SH3GL2: variants seen among roughly 807,000 people sequenced by gnomAD.
SH3GL2 encodes SH3 domain containing GRB2 like 2, endophilin A1, also known as endophilin-A1.
Under a neutral mutation model 46.0 loss-of-function variants are expected in SH3GL2, and 24 were observed. The ratio of observed to expected loss-of-function variants is 0.52; its 90% CI spans 0.38 to 0.73. SH3GL2 has a LOEUF of 0.73. Among genes scored for constraint, SH3GL2 ranks in the 30% least tolerant of loss-of-function variants. The probability of loss-of-function intolerance (pLI) is 0.00; values close to 1 mark genes in which losing one functional copy is unlikely to be tolerated. For missense variants in SH3GL2, 413 were observed against 424.2 expected, an observed-to-expected ratio of 0.97 and a Z score of 0.23; for synonymous variants, 196 against 147.1, an observed-to-expected ratio of 1.33 and a Z score of -2.40.
At position 17,692,555 on chromosome 9, in the gene SH3GL2, G is replaced by C. The variant is rs1393803487; in HGVS notation, c.46-54511G>C. 2.6e-5 allele frequency among the ~76,000 whole-genome samples: 4 copies of C among 151,750 alleles called. No individual in the cohort carries two copies. The South Asian group carries it at 8.3e-4, about 31-fold the overall frequency. ...CAGCTACTGGGAGGCTGAGGCAGGA[G>C]AATAGCTTAAAGACAAGAGACGGAG... On this transcript the variant is annotated intron_variant, in intron 1 of 8. Transcript: ENST00000380607.
intron 1 of SH3GL2, among the ~76,000 whole-genome samples, chr9:17,665,963 A>T (rs768717549): frequency 6.6e-6 from 1 of 150,684 alleles, no homozygotes; most frequent in Non-Finnish European, 1.5e-5. Context: ...CACAGGGTTC[A>T]TTGCAGTAGT....
chr9:17,704,072 T>G, intron 1 of SH3GL2, among the ~76,000 whole-genome samples: 1 of 152,108 alleles, frequency 6.6e-6, no homozygotes, highest in African/African-American at 2.4e-5. Context: ...CTCCTTGATC[T>G]GATAAATAAC....
At chr9:17,723,747 TG>T (rs1821952976) in intron 1 of SH3GL2, among the ~76,000 whole-genome samples, 1 of 151,696 alleles carries the variant, frequency 6.6e-6, no homozygotes, top group Non-Finnish European at 1.5e-5. Flanking sequence ...CATTGATTTT[TG>T]TGTTTTTTTT....
At chr9:17,769,646 G>T (rs1168836101) in intron 3 of SH3GL2, among the ~76,000 whole-genome samples, 2 of 151,832 alleles carry the variant, frequency 1.3e-5, no homozygotes, top group African/African-American at 4.8e-5. Context: ...GTCCTTTCCT[G>T]CCCCGACCCC....
intron 1 of SH3GL2, among the ~76,000 whole-genome samples, chr9:17,651,443 A>G (rs958372252): frequency 6.6e-6 from 1 of 152,114 alleles, no homozygotes; most frequent in Non-Finnish European, 1.5e-5. Flanking sequence ...ATTAATTCCA[A>G]GATGTATTGT....
rs145241034 is a variant in SH3GL2, at chr9:17,787,244, G to C, written c.332-136G>C. On this transcript the variant is annotated intron_variant, in intron 4 of 8. Coordinates refer to ENST00000380607, the MANE Select transcript of SH3GL2 (RefSeq NM_003026.5). ...AGTCTGTTGCCTGGAGTGAACTGAA[G>C]ATACCTATTCTCTCTTGTCTGTTGT... 3.4e-4 allele frequency: 230 copies of C among 671,542 alleles called. No individual in the cohort carries two copies. The African/African-American group carries it at 3.7e-3, about 11-fold the overall frequency. The allele number at this position is 671,542 out of a possible 1,614,324, so 41.6% of individuals were successfully genotyped here.
At chr9:17,691,180 G>T (rs537645296) in intron 1 of SH3GL2, among the ~76,000 whole-genome samples, 6 of 152,218 alleles carry the variant, frequency 3.9e-5, no homozygotes, top group South Asian at 2.1e-4. Context: ...TTGCCAAGGG[G>T]TGACTGAGTG....
intron 1 of SH3GL2, among the ~76,000 whole-genome samples, chr9:17,678,573 C>T (rs559057532): frequency 2.8e-4 from 42 of 152,206 alleles, no homozygotes; most frequent in South Asian, 1.2e-3. Context: ...TTCTCCCATT[C>T]TGTAGGTTGC....
intron 1 of SH3GL2, among the ~76,000 whole-genome samples, chr9:17,582,159 C>G (rs569638428): frequency 6.6e-6 from 1 of 152,196 alleles, no homozygotes; most frequent in South Asian, 2.1e-4. Context: ...TTATTTCTAC[C>G]TTGTTGCTGA....
chr9:17,762,562 A>C (rs1025498899), intron 3 of SH3GL2, among the ~76,000 whole-genome samples: 1 of 152,132 alleles, frequency 6.6e-6, no homozygotes, highest in Admixed American at 6.5e-5. Context: ...TGAGCAGACT[A>C]TGTAGGAATA....
chr9:17,789,879 T>A, intron 6 of SH3GL2: 1 of 558,008 alleles, frequency 1.8e-6, no homozygotes, highest in Non-Finnish European at 2.3e-6. Flanking sequence ...AGAATGGTTG[T>A]AAGGGTACTT....
At chr9:17,593,890 T>C (rs557091860) in intron 1 of SH3GL2, among the ~76,000 whole-genome samples, 4 of 152,180 alleles carry the variant, frequency 2.6e-5, no homozygotes, top group Admixed American at 2.6e-4. Flanking sequence ...TTCTGAGCAC[T>C]TGTGAGACCC....
chr9:17,620,895 T>C (rs1408469732), intron 1 of SH3GL2, among the ~76,000 whole-genome samples: 1 of 152,188 alleles, frequency 6.6e-6, no homozygotes, highest in African/African-American at 2.4e-5. Flanking sequence ...AGGGGCATTA[T>C]CTTCAAAATA....
chr9:17,742,755 C>T (rs1369124970), intron 1 of SH3GL2, among the ~76,000 whole-genome samples: 1 of 152,134 alleles, frequency 6.6e-6, no homozygotes, highest in African/African-American at 2.4e-5. Flanking sequence ...AGTATAAAGT[C>T]TCAATGCTGT....
chr9:17,682,683 TAA>T (rs538365567), intron 1 of SH3GL2, among the ~76,000 whole-genome samples: 28 of 136,562 alleles, frequency 2.1e-4, no homozygotes, highest in Admixed American at 5.8e-4. Context: ...AAAGCAAAAT[TAA>T]AAAAAAAAAA....
At chr9:17,624,614 A>G (rs1215697356) in intron 1 of SH3GL2, among the ~76,000 whole-genome samples, 2 of 152,080 alleles carry the variant, frequency 1.3e-5, no homozygotes, top group Non-Finnish European at 2.9e-5. Context: ...CCCTCAATCA[A>G]ATTTGAGTTG....
chr9:17,596,323 G>A (rs1346655101), intron 1 of SH3GL2, among the ~76,000 whole-genome samples: 5 of 152,078 alleles, frequency 3.3e-5, no homozygotes, highest in African/African-American at 9.7e-5. Context: ...ACTTTTGCTG[G>A]CATTTCTTTT....
rs73424514 is a variant in SH3GL2 at position 17,768,982 on chromosome 9, C to G, written c.187+7473C>G. Among the ~76,000 whole-genome samples, 1,094 of 152,304 alleles carry G rather than the reference C, an allele frequency of 7.2e-3. 10 individuals carry two copies. Among genetic ancestry groups the G allele is most frequent in the African/African-American group, 0.025 (1,030 of 41,564 alleles). ...CTCCATCTCGCTCCTTCTGAGCTAGCCTTCCTCAAACACACAGGCACTATT... is the reference window on the plus strand; with the variant it reads ...CTCCATCTCGCTCCTTCTGAGCTAGGCTTCCTCAAACACACAGGCACTATT... On this transcript the variant is annotated intron_variant, in intron 3 of 8. Coordinates refer to ENST00000380607, the MANE Select transcript of SH3GL2 (RefSeq NM_003026.5).
At chr9:17,782,377 A>G (rs777773463) in intron 3 of SH3GL2, among the ~76,000 whole-genome samples, 12 of 152,150 alleles carry the variant, frequency 7.9e-5, no homozygotes, top group Non-Finnish European at 1.5e-4. Flanking sequence ...TTTTCATGGC[A>G]TAATTTAAGA....
Sources: gnomAD v4.1 joint callset for allele counts (sites outside exome capture counted in the v4.1 genomes callset) on GRCh38, gnomAD v4.1.1 for gene constraint, MANE v1.5 for transcripts, NCBI Gene and HGNC (gene_info 2026-07-23, HGNC 2026-07-21) for gene names.